PTPRC: variants seen among roughly 807,000 people sequenced by gnomAD.
PTPRC encodes the protein receptor-type tyrosine-protein phosphatase C.
PTPRC carries 44 observed loss-of-function variants against 155.9 expected under a neutral mutation model. That is an observed-to-expected ratio of 0.28 (90% CI 0.22 to 0.36). The LOEUF (loss-of-function observed/expected upper bound fraction) is 0.36. PTPRC is among the 10% of genes least tolerant of loss of function. PTPRC has a pLI of 1.00. For missense variants in PTPRC, 1,401 were observed against 1,564.6 expected (o/e 0.90, Z 1.76); for synonymous variants, 525 against 533.1 (o/e 0.98, Z 0.21).
intron 2 of PTPRC, among the ~76,000 whole-genome samples, chr1:198,680,203 C>A (rs2102327216): frequency 6.6e-6 from 1 of 152,310 alleles, no homozygotes; most frequent in East Asian, 1.9e-4. Flanking sequence ...GTTTAATAGC[C>A]ACAACATTGG....
chr1:198,647,752 A>C (rs1340369071), intron 2 of PTPRC, among the ~76,000 whole-genome samples: 1 of 151,896 alleles, frequency 6.6e-6, no homozygotes, highest in Non-Finnish European at 1.5e-5. Flanking sequence ...TAGGACAACT[A>C]GATCTATTCA....
At chr1:198,658,158 G>T (rs931240545) in intron 2 of PTPRC, among the ~76,000 whole-genome samples, 2 of 152,090 alleles carry the variant, frequency 1.3e-5, no homozygotes, top group African/African-American at 2.4e-5. Context: ...AGAGAGAGAT[G>T]TTTTCCTTTG....
chr1:198,660,029 C>T (rs1372181103), intron 2 of PTPRC, among the ~76,000 whole-genome samples: 2 of 33,088 alleles, frequency 6.0e-5, no homozygotes, highest in East Asian at 1.3e-3. Flanking sequence ...ATATATATGT[C>T]CATATATATA....
Position 198,700,858 on chromosome 1 carries a change from G to A in PTPRC, c.439+1154G>A, listed in dbSNP as rs550626288. Among the ~76,000 whole-genome samples, 12 of 152,264 alleles carry A rather than the reference G, an allele frequency of 7.9e-5. No homozygotes were observed. The East Asian group carries it at 1.9e-3, about 24-fold the overall frequency. ...AGAGTACCTACATAACAAGGGAAAC[G>A]AAGTTTTCAAGTGAGGAGGAGGGAA... On this transcript the variant is annotated intron_variant, in intron 5 of 32. Coordinates refer to ENST00000442510, the MANE Select transcript of PTPRC (RefSeq NM_002838.5).
intron 2 of PTPRC, among the ~76,000 whole-genome samples, chr1:198,675,845 T>C (rs1208602181): frequency 1.3e-5 from 2 of 152,202 alleles, no homozygotes; most frequent in Non-Finnish European, 2.9e-5. Context: ...AAGTAATTTC[T>C]GTTGTATCTA....
At chr1:198,669,781 A>G (rs539187717) in intron 2 of PTPRC, among the ~76,000 whole-genome samples, 1 of 152,324 alleles carries the variant, frequency 6.6e-6, no homozygotes, top group Non-Finnish European at 1.5e-5. Context: ...TTTTAACTGA[A>G]TAGCTTACTT....
At chr1:198,697,097 T>C (rs776887454) in intron 4 of PTPRC, among the ~76,000 whole-genome samples, 188 bp downstream of exon 4, 1 of 152,176 alleles carries the variant, frequency 6.6e-6, no homozygotes, top group Admixed American at 6.5e-5. Context: ...ATGCATGTTG[T>C]TAGGGAGTGG....
In PTPRC at chr1:198,718,211, A is replaced by G; in HGVS notation, c.1568A>G (p.Glu523Gly). 1 of 1,614,138 alleles carries G rather than the reference A, an allele frequency of 6.2e-7. No homozygotes were observed. The change falls in exon 14 of 33, where the codon GAA (glutamate) becomes GGA (glycine). Residue 523 changes from glutamate to glycine, a missense_variant. This residue lies in a region of PTPRC where 867 missense variants were observed against 970.4 expected (regional missense o/e 0.89). Transcript: ENST00000442510. ...CATGAACGTTACCATTTGGAAGTTG[A>G]AGCTGGAAATACTCTGGTTAGAAAT... is the stretch of plus-strand genomic sequence containing the variant. ...GPHERYHLEV[E>G]AGNTLVRNES...
chr1:198,729,373 T>A (rs954425582), intron 17 of PTPRC, among the ~76,000 whole-genome samples: 1 of 152,038 alleles, frequency 6.6e-6, no homozygotes, highest in Non-Finnish European at 1.5e-5. Context: ...TTCCCAAGTA[T>A]CTGGGATTAC....
chr1:198,674,384 AAATTTTACAATTGTGAAAATTTAC>A (rs1362980103), intron 2 of PTPRC, among the ~76,000 whole-genome samples: 4 of 152,006 alleles, frequency 2.6e-5, no homozygotes, highest in East Asian at 1.9e-4. Context: ...TTTAAATGTG[AAATTTTACAATTGTGAAAATTTAC>A]AATTTTACAA....
chr1:198,730,469 T>C (rs890914336), intron 17 of PTPRC, among the ~76,000 whole-genome samples: 3 of 152,046 alleles, frequency 2.0e-5, no homozygotes, highest in Non-Finnish European at 2.9e-5. Flanking sequence ...CCAAAGTGAG[T>C]ACCTAGGATT....
chr1:198,677,784 ATATAAAC>A (rs2102316360), intron 2 of PTPRC, among the ~76,000 whole-genome samples: 1 of 152,300 alleles, frequency 6.6e-6, no homozygotes, highest in East Asian at 1.9e-4. Flanking sequence ...ATCAACTCAT[ATATAAAC>A]TAGATTTTAT....
intron 2 of PTPRC, among the ~76,000 whole-genome samples, chr1:198,688,099 CTGTG>C (rs369393657): frequency 1.3e-5 from 2 of 149,610 alleles, no homozygotes; most frequent in African/African-American, 4.9e-5. Context: ...GTGTGTGTGT[CTGTG>C]TGTGTGTGCA....
At chr1:198,674,820 T>C (rs530672504) in intron 2 of PTPRC, among the ~76,000 whole-genome samples, 1 of 152,210 alleles carries the variant, frequency 6.6e-6, no homozygotes, top group East Asian at 1.9e-4. Context: ...TCATTTGGCT[T>C]CCTCTAATAT....
chr1:198,692,953 A>C (rs1666009063), intron 3 of PTPRC: 11 of 916,736 alleles, frequency 1.2e-5, no homozygotes, highest in Non-Finnish European at 1.4e-5. Context: ...ATTCATACAT[A>C]GTACATACAA....
At chr1:198,695,612 T>A (rs2102380819) in intron 3 of PTPRC, among the ~76,000 whole-genome samples, 1 of 152,228 alleles carries the variant, frequency 6.6e-6, no homozygotes, top group Admixed American at 6.5e-5. Flanking sequence ...CTGCAGAATT[T>A]TTTTTACCAT....
At position 198,716,747 on chromosome 1, in the gene PTPRC, A is replaced by T. The variant is rs1297093496; in HGVS notation, c.1357A>T (p.Thr453Ser). Residue 453 changes from threonine (T) to serine (S), a missense_variant, in exon 13 of 33, where the codon ACG becomes TCG. Physicochemically the swap from Thr to Ser is moderately conservative, Grantham distance 58 (BLOSUM62 1). Coordinates refer to ENST00000442510, the MANE Select transcript of PTPRC (RefSeq NM_002838.5). Reference protein sequence around the residue: ...KYDLQNLKPYTKYVLSLHAYI... With the variant: ...KYDLQNLKPYSKYVLSLHAYI... Reference sequence around the variant, plus strand: ...TGATTTGCAAAATTTAAAACCTTATACGAAATATGTTTTATCATTACATGC... The same window carrying T: ...TGATTTGCAAAATTTAAAACCTTATTCGAAATATGTTTTATCATTACATGC... 3.7e-6 allele frequency: 6 copies of T among 1,612,758 alleles called. No individual in the cohort carries two copies. In the East Asian group the frequency reaches 8.9e-5, roughly 24 times the overall value.
chr1:198,729,629 C>T (rs1049988498), intron 17 of PTPRC, among the ~76,000 whole-genome samples: 1 of 152,168 alleles, frequency 6.6e-6, no homozygotes. Flanking sequence ...CCTTTACTCA[C>T]TCAGCACCTG....
chr1:198,733,748 T>C (rs1290958820), intron 20 of PTPRC, among the ~76,000 whole-genome samples: 1 of 151,628 alleles, frequency 6.6e-6, no homozygotes, highest in African/African-American at 2.4e-5. Flanking sequence ...AGTTAAGAGG[T>C]GAAAATGCGG....
Sources: allele counts gnomAD v4.1 joint callset (sites outside exome capture counted in the v4.1 genomes callset), GRCh38; gene constraint gnomAD v4.1.1; regional missense constraint gnomAD v4.1.1; transcripts MANE v1.5; gene names NCBI Gene and HGNC (gene_info 2026-07-23, HGNC 2026-07-21).